The following TANC2 variants were observed in gnomAD, a reference collection of about 807,000 sequenced individuals.
The protein encoded by TANC2 is protein TANC2.
In TANC2, 26 loss-of-function variants were observed where a neutral mutation model predicts 210.5. That is an observed-to-expected ratio of 0.12 (90% confidence interval 0.09 to 0.17). TANC2 has a LOEUF of 0.17. Among genes scored for constraint, TANC2 ranks in the 10% least tolerant of loss-of-function variants. The pLI is 1.00. For missense variants in TANC2, 2,129 were observed against 2,608.9 expected, an observed-to-expected ratio of 0.82 and a Z score of 4.01; for synonymous variants, 931 against 967.1, an observed-to-expected ratio of 0.96 and a Z score of 0.69.
chr17:63,411,596 T>C, exon 22 of TANC2: 1 of 1,613,964 alleles, frequency 6.2e-7, no homozygotes, highest in African/African-American at 1.3e-5. Flanking sequence ...TAGTACGTTC[T>C]CTGGTGGATA....
intron 4 of TANC2, among the ~76,000 whole-genome samples, chr17:63,131,971 T>G (rs2038934550): frequency 6.6e-6 from 1 of 152,218 alleles, no homozygotes; most frequent in Admixed American, 6.5e-5. Flanking sequence ...ATGGAAATAT[T>G]TATGCATTGG....
At chr17:63,247,335 A>T (rs1358350652) in intron 8 of TANC2, among the ~76,000 whole-genome samples, 1 of 151,790 alleles carries the variant, frequency 6.6e-6, no homozygotes, top group East Asian at 1.9e-4. Flanking sequence ...TTTCCTCTTT[A>T]TCTTTTTAAT....
chr17:63,143,338 G>A (rs2039352458), intron 4 of TANC2, among the ~76,000 whole-genome samples: 1 of 152,098 alleles, frequency 6.6e-6, no homozygotes, highest in South Asian at 2.1e-4. Context: ...AACATTTCTA[G>A]TAGAGAGTGG....
intron 2 of TANC2, among the ~76,000 whole-genome samples, chr17:63,061,434 T>C (rs945734563): frequency 6.6e-6 from 1 of 151,966 alleles, no homozygotes; most frequent in South Asian, 2.1e-4. Context: ...ACTCAAATGA[T>C]CCCCCCCTTT....
At chr17:63,339,022 A>G (rs968089268) in intron 11 of TANC2, 5 of 152,268 alleles carry the variant, frequency 3.3e-5, no homozygotes, top group East Asian at 1.9e-4. Context: ...TCATATGTCT[A>G]TGAGTGCCCC....
At chr17:63,361,161 A>G (rs1010454506) in intron 14 of TANC2, among the ~76,000 whole-genome samples, 4 of 152,230 alleles carry the variant, frequency 2.6e-5, no homozygotes, top group African/African-American at 9.6e-5. Flanking sequence ...GTATATACAT[A>G]GGACTGGGAT....
At chr17:63,338,833 A>G (rs1303742574) in intron 11 of TANC2, 1 of 152,090 alleles carries the variant, frequency 6.6e-6, no homozygotes, top group African/African-American at 2.4e-5. Context: ...TTTATGTTTA[A>G]TGAGAAGGAT....
chr17:63,332,821 A>G (rs975322319), intron 11 of TANC2, among the ~76,000 whole-genome samples: 4 of 152,178 alleles, frequency 2.6e-5, no homozygotes, highest in Non-Finnish European at 4.4e-5. Context: ...ATGTTCATTT[A>G]CCATTCCAAA....
At chr17:62,967,390 C>G (rs1011252808) in intron 1 of TANC2, 1 of 152,134 alleles carries the variant, frequency 6.6e-6, no homozygotes, top group African/African-American at 2.4e-5. Context: ...TAAAATAATT[C>G]CAGGTTTTGC....
chr17:63,162,487 A>G (rs138058176), intron 5 of TANC2, among the ~76,000 whole-genome samples: 12 of 152,200 alleles, frequency 7.9e-5, no homozygotes, highest in Non-Finnish European at 1.2e-4. Flanking sequence ...AGTTTATTTT[A>G]AATAAACTAG....
chr17:63,406,094 A>G, intron 20 of TANC2, 60 bp from the exon 21 acceptor site: 1 of 1,602,360 alleles, frequency 6.2e-7, no homozygotes, highest in South Asian at 1.1e-5. Flanking sequence ...GATAGTGTGC[A>G]CGTGTCTTCT....
intron 5 of TANC2, among the ~76,000 whole-genome samples, chr17:63,155,563 C>CTTTTGACTATATGTGCATGAAAGG (rs1598486892): frequency 6.6e-6 from 1 of 152,122 alleles, no homozygotes; most frequent in African/African-American, 2.4e-5. Flanking sequence ...TTTTATAGGA[C>CTTTTGACTATATGTGCATGAAAGG]TTTTGACTAT....
chr17:63,002,472 G>A (rs2143732957), intron 1 of TANC2, among the ~76,000 whole-genome samples: 1 of 152,072 alleles, frequency 6.6e-6, no homozygotes, highest in Middle Eastern at 3.4e-3. Context: ...CTTATTTTTT[G>A]ATGCATTTCA....
intron 9 of TANC2, among the ~76,000 whole-genome samples, chr17:63,291,256 A>G (rs1185136221): frequency 6.6e-6 from 1 of 152,156 alleles, no homozygotes; most frequent in African/African-American, 2.4e-5. Flanking sequence ...ATGGCAAACA[A>G]ATGATTTCAT....
At chr17:63,146,762 A>G (rs1158341064) in intron 4 of TANC2, among the ~76,000 whole-genome samples, 1 of 152,164 alleles carries the variant, frequency 6.6e-6, no homozygotes, top group Non-Finnish European at 1.5e-5. Flanking sequence ...AACATTATCT[A>G]CAGCATTCCA....
At chr17:63,313,018 TTTTCTCAAG>T (rs2045182529) in intron 9 of TANC2, among the ~76,000 whole-genome samples, 1 of 152,192 alleles carries the variant, frequency 6.6e-6, no homozygotes, top group Admixed American at 6.5e-5. Context: ...TGTGTCTGTG[TTTTCTCAAG>T]TAAGCCACCA....
intron 2 of TANC2, among the ~76,000 whole-genome samples, chr17:63,048,617 G>T (rs913872034): frequency 6.6e-6 from 1 of 152,160 alleles, no homozygotes; most frequent in African/African-American, 2.4e-5. Flanking sequence ...GGTTGTATGT[G>T]TGCGGCCTTA....
intron 3 of TANC2, among the ~76,000 whole-genome samples, chr17:63,077,598 A>G (rs907133658): frequency 2.0e-5 from 3 of 152,154 alleles, no homozygotes; most frequent in Non-Finnish European, 4.4e-5. Context: ...AACTGATGAG[A>G]GTCTCAAGGT....
intron 7 of TANC2, among the ~76,000 whole-genome samples, chr17:63,204,855 C>G (rs999977096): frequency 6.6e-6 from 1 of 152,100 alleles, no homozygotes; most frequent in Non-Finnish European, 1.5e-5. Flanking sequence ...GAAGCCAAGG[C>G]AGACGGATCA....
Sources: allele counts gnomAD v4.1 joint callset (sites outside exome capture counted in the v4.1 genomes callset), GRCh38; gene constraint gnomAD v4.1.1; transcripts MANE v1.5; gene names NCBI Gene and HGNC (gene_info 2026-07-23, HGNC 2026-07-21).